Variants in FAIM2 observed in about 807,000 individuals in gnomAD.
The protein encoded by FAIM2 is protein lifeguard 2.
Under a neutral mutation model 47.4 loss-of-function variants are expected in FAIM2, and 27 were observed. The ratio of observed to expected loss-of-function variants is 0.57; its 90% CI spans 0.42 to 0.78. The LOEUF (loss-of-function observed/expected upper bound fraction) is 0.78. Ranked by LOEUF, FAIM2 falls within the 30% of genes least tolerant of loss-of-function variation. The pLI is 0.00. For synonymous variants in FAIM2, 156 were observed against 159.3 expected (o/e 0.98, Z 0.16); for missense variants, 311 against 389.4 (o/e 0.80, Z 1.69).
intron 7 of FAIM2, 124 bp from the exon 8 acceptor site, chr12:49,890,278 C>CCA: frequency 1.2e-6 from 1 of 827,592 alleles, no homozygotes; most frequent in Non-Finnish European, 2.0e-6. Context: ...TATGTCACCC[C>CCA]CACACACACT....
rs775024144 is a variant in FAIM2, at chr12:49,874,932, G to T, written c.802-4279C>A. 1.2e-4 allele frequency among the ~76,000 whole-genome samples: 19 copies of T among 152,162 alleles called. No individual in the cohort carries two copies. Among genetic ancestry groups the T allele is most frequent in the Non-Finnish European group, 2.5e-4 (17 of 68,030 alleles). ...AGACGCTACTGTGAGAAAAAAGCAA[G>T]TTGTGAAAAATCTATATCGTATGAT... is the stretch of plus-strand genomic sequence containing the variant. On this transcript the variant is annotated intron_variant, in intron 11 of 11. Transcript: ENST00000320634. The surrounding 1 kb of genome is among the most constrained non-coding windows in gnomAD (Gnocchi z 4.2).
rs537560394 is a variant in FAIM2 at position 49,883,993 on chromosome 12, G to A, written c.801+3393C>T. Among the ~76,000 whole-genome samples, 88 of 152,228 alleles carry A rather than the reference G, an allele frequency of 5.8e-4. No individual in the cohort carries two copies. In the South Asian group the frequency reaches 0.015, roughly 27 times the overall value. On this transcript the variant is annotated intron_variant, in intron 11 of 11. Transcript: ENST00000320634. ...TCCCAGCACTTTGGGAGGCTGAGGCGGGCGGATCATCTGAGGTCAGGAGTT... is the reference window on the plus strand; with the variant it reads ...TCCCAGCACTTTGGGAGGCTGAGGCAGGCGGATCATCTGAGGTCAGGAGTT...
intron 1 of FAIM2, among the ~76,000 whole-genome samples, chr12:49,903,198 C>T (rs967228267): frequency 6.6e-6 from 1 of 152,264 alleles, no homozygotes; most frequent in Non-Finnish European, 1.5e-5. Flanking sequence ...TCATCCGGAC[C>T]CATCCATGCC....
chr12:49,887,908 T>C (rs1946872851), intron 10 of FAIM2, among the ~76,000 whole-genome samples: 1 of 151,768 alleles, frequency 6.6e-6, no homozygotes, highest in Admixed American at 6.6e-5. Flanking sequence ...AGGGGTGTGT[T>C]GGGGGGGCAT....
chr12:49,898,896 G>A (rs533932288), intron 2 of FAIM2, among the ~76,000 whole-genome samples: 2 of 152,042 alleles, frequency 1.3e-5, no homozygotes, highest in East Asian at 3.9e-4. Flanking sequence ...TGGACCGCTG[G>A]TACTCCAGCT....
intron 11 of FAIM2, among the ~76,000 whole-genome samples, chr12:49,880,340 T>A (rs764259416): frequency 6.8e-6 from 1 of 147,080 alleles, no homozygotes; most frequent in South Asian, 2.2e-4. Context: ...GTGTGCATGT[T>A]TGTGTATGTG....
rs1174358964 is a variant in FAIM2, at chr12:49,868,504, C to T, written c.*2000G>A. The T allele has an allele frequency of 2.0e-5, 3 of 152,292 alleles. No homozygotes were observed. The highest frequency in any genetic ancestry group is 2.1e-4 in the South Asian group (1 of 4,820). The allele number at this position is 152,292 out of a possible 1,614,324, so 9.4% of individuals were successfully genotyped here. ...AGGGGTTTCAGGAAAGACGGGAGGC[C>T]GGGTGGCACTGAGGACAAGAAATCC... On this transcript the variant is annotated 3_prime_UTR_variant, in exon 12 of 12. Transcript: ENST00000320634.
At chr12:49,883,376 G>A (rs1402902872) in intron 11 of FAIM2, among the ~76,000 whole-genome samples, 1 of 151,898 alleles carries the variant, frequency 6.6e-6, no homozygotes, top group Non-Finnish European at 1.5e-5. Flanking sequence ...GGGGGCCACA[G>A]CATTGATGTG....
At chr12:49,898,537 T>C (rs1182763315) in intron 2 of FAIM2, among the ~76,000 whole-genome samples, 1 of 152,154 alleles carries the variant, frequency 6.6e-6, no homozygotes, top group Non-Finnish European at 1.5e-5. Context: ...TTTGTTTTGT[T>C]TTTTTGAGAC....
rs1946894331 is a variant in FAIM2 at position 49,890,734 on chromosome 12, G to A, written c.486-12C>T. On this transcript the variant is annotated splice_polypyrimidine_tract_variant and intron_variant, in intron 6 of 11. Coordinates refer to ENST00000320634, the MANE Select transcript of FAIM2 (RefSeq NM_012306.4). The stretch of plus-strand genomic sequence containing the variant: ...AGGGGAAATGCCTCCTGCAAGGCAA[G>A]CCACAGAGTTCAGGGGATCGTAGGG... 1.2e-6 allele frequency: 2 copies of A among 1,613,654 alleles called. No homozygotes were observed. The highest frequency in any genetic ancestry group is 2.2e-5 in the South Asian group (2 of 91,082).
chr12:49,882,813 G>GCCCT (rs1211403739), intron 11 of FAIM2, among the ~76,000 whole-genome samples: 1 of 152,210 alleles, frequency 6.6e-6, no homozygotes, highest in Non-Finnish European at 1.5e-5. Flanking sequence ...TATGTACCAG[G>GCCCT]CCCTGTTCTG....
intron 11 of FAIM2, among the ~76,000 whole-genome samples, chr12:49,880,456 G>GTA (rs896640032): frequency 1.5e-5 from 1 of 64,798 alleles, no homozygotes; most frequent in African/African-American, 8.3e-5. Flanking sequence ...ATGTGCATGT[G>GTA]TATGTGTGTG....
At chr12:49,883,689 G>C (rs564491647) in intron 11 of FAIM2, among the ~76,000 whole-genome samples, 1 of 152,278 alleles carries the variant, frequency 6.6e-6, no homozygotes, top group African/African-American at 2.4e-5. Context: ...GAGACCCTGA[G>C]GGAGCAGGGT....
At chr12:49,892,042 C>T (rs892825219) in intron 5 of FAIM2, among the ~76,000 whole-genome samples, 2 of 152,144 alleles carry the variant, frequency 1.3e-5, no homozygotes, top group Non-Finnish European at 2.9e-5. Context: ...TCTCCTTCCT[C>T]GGTTCTCTCA....
chr12:49,897,516 C>G lies in FAIM2; in HGVS notation c.380+3G>C. 5 of 1,613,996 alleles carry G rather than the reference C, an allele frequency of 3.1e-6. No homozygotes were observed. The highest frequency in any genetic ancestry group is 4.2e-6 in the Non-Finnish European group (5 of 1,179,876). On this transcript the variant is annotated splice_donor_region_variant and intron_variant, in intron 4 of 11. Coordinates refer to ENST00000320634, the MANE Select transcript of FAIM2 (RefSeq NM_012306.4). The stretch of plus-strand genomic sequence containing the variant: ...AAGGTGCTGGTCCATGCTGCCAACT[C>G]ACCAGAAAGTAAAGAGAGCCACGAC...
At chr12:49,880,024 G>A (rs1485583073) in intron 11 of FAIM2, among the ~76,000 whole-genome samples, 1 of 136,238 alleles carries the variant, frequency 7.3e-6, no homozygotes, top group Non-Finnish European at 1.6e-5. Context: ...ATGTGTCTGT[G>A]TGCATGTGAG....
intron 2 of FAIM2, among the ~76,000 whole-genome samples, chr12:49,899,887 C>T (rs987771929): frequency 6.6e-6 from 1 of 152,286 alleles, no homozygotes; most frequent in African/African-American, 2.4e-5. Flanking sequence ...AGCTGCCTTC[C>T]TGCCTCGACA....
intron 11 of FAIM2, among the ~76,000 whole-genome samples, chr12:49,882,512 G>T (rs1946833146): frequency 6.6e-6 from 1 of 152,184 alleles, no homozygotes; most frequent in African/African-American, 2.4e-5. Flanking sequence ...GATGAACACG[G>T]CAGGGGATGG....
intron 5 of FAIM2, among the ~76,000 whole-genome samples, chr12:49,891,865 G>A (rs1946902476): frequency 6.6e-6 from 1 of 152,200 alleles, no homozygotes; most frequent in Non-Finnish European, 1.5e-5. Flanking sequence ...ATGGAGGATT[G>A]AGGATTTTCT....
Sources: allele counts gnomAD v4.1 joint callset (sites outside exome capture counted in the v4.1 genomes callset), GRCh38; gene constraint gnomAD v4.1.1; non-coding constraint Gnocchi (gnomAD v3.1); transcripts MANE v1.5; gene names NCBI Gene and HGNC (gene_info 2026-07-23, HGNC 2026-07-21).